Variants in LDLRAD3 observed in about 807,000 individuals in gnomAD.
The protein encoded by LDLRAD3 is low-density lipoprotein receptor class A domain-containing protein 3.
In LDLRAD3, 20 loss-of-function variants were observed where a neutral mutation model predicts 29.4. The observed-to-expected ratio is 0.68, with a 90% confidence interval of 0.48 to 0.99. The LOEUF (loss-of-function observed/expected upper bound fraction) is 0.99. LDLRAD3 is among the 50% of genes least tolerant of loss of function. The pLI is 0.00. For missense variants in LDLRAD3, 420 were observed against 454.3 expected (o/e 0.92, Z 0.69); for synonymous variants, 157 against 192.7 (o/e 0.81, Z 1.53).
At chr11:36,100,430 G>A (rs538061250) in intron 4 of LDLRAD3, among the ~76,000 whole-genome samples, 9 of 152,226 alleles carry the variant, frequency 5.9e-5, no homozygotes, top group East Asian at 5.8e-4. Flanking sequence ...TTTCTATGGC[G>A]ATTGTTTCTT....
intron 1 of LDLRAD3, among the ~76,000 whole-genome samples, chr11:35,974,796 G>T (rs753724833): frequency 3.3e-5 from 5 of 152,240 alleles, no homozygotes; most frequent in Non-Finnish European, 5.9e-5. Flanking sequence ...TTAGAAGGAA[G>T]TTGCAAGTCC....
chr11:36,087,362 T>C (rs1265145571), intron 3 of LDLRAD3, among the ~76,000 whole-genome samples: 2 of 152,354 alleles, frequency 1.3e-5, no homozygotes, highest in East Asian at 3.9e-4. Flanking sequence ...AGTCCTTATC[T>C]TTTAGAAATA....
intron 1 of LDLRAD3, among the ~76,000 whole-genome samples, chr11:35,960,854 A>G (rs1851268344): frequency 6.6e-6 from 1 of 152,172 alleles, no homozygotes; most frequent in Non-Finnish European, 1.5e-5. Flanking sequence ...CTCGCCTCCC[A>G]AAGTGCTGGG....
At chr11:36,063,779 T>G (rs546218023) in intron 2 of LDLRAD3, among the ~76,000 whole-genome samples, 1 of 152,350 alleles carries the variant, frequency 6.6e-6, no homozygotes, top group South Asian at 2.1e-4. Context: ...TGTGTACCCT[T>G]ATGCCAATAA....
At chr11:36,047,399 TC>T (rs1852466317) in intron 2 of LDLRAD3, among the ~76,000 whole-genome samples, 2 of 152,172 alleles carry the variant, frequency 1.3e-5, no homozygotes, top group Non-Finnish European at 2.9e-5. Context: ...ACACATTTTT[TC>T]CCCACATTTT....
intron 4 of LDLRAD3, among the ~76,000 whole-genome samples, chr11:36,112,551 A>G (rs1418320867): frequency 6.6e-6 from 1 of 152,216 alleles, no homozygotes; most frequent in Admixed American, 6.5e-5. Flanking sequence ...CCTCCCTGCC[A>G]TCTCAGTCAT....
intron 4 of LDLRAD3, among the ~76,000 whole-genome samples, chr11:36,160,825 G>A (rs530536888): frequency 1.1e-4 from 16 of 152,036 alleles, no homozygotes; most frequent in East Asian, 2.0e-4. Flanking sequence ...ACAGAGTTTC[G>A]CTCTTGTTGC....
At chr11:36,209,875 T>G (rs527992629) in intron 4 of LDLRAD3, among the ~76,000 whole-genome samples, 1 of 152,360 alleles carries the variant, frequency 6.6e-6, no homozygotes, top group Non-Finnish European at 1.5e-5. Context: ...TATGTGCTAA[T>G]ATATGCCTGT....
At chr11:36,168,620 G>A (rs570948814) in intron 4 of LDLRAD3, among the ~76,000 whole-genome samples, 2 of 150,928 alleles carry the variant, frequency 1.3e-5, no homozygotes, top group African/African-American at 4.9e-5. Context: ...GTGATCAATA[G>A]GGTAGCCTCC....
At chr11:36,144,964 C>T (rs1443238450) in intron 4 of LDLRAD3, among the ~76,000 whole-genome samples, 3 of 108,974 alleles carry the variant, frequency 2.8e-5, no homozygotes, top group Non-Finnish European at 6.0e-5. Context: ...CCAGCCGCCC[C>T]GTCCCGGAAG....
chr11:36,224,730 G>C (rs1386783661), intron 4 of LDLRAD3, among the ~76,000 whole-genome samples: 1 of 152,192 alleles, frequency 6.6e-6, no homozygotes, highest in African/African-American at 2.4e-5. Flanking sequence ...GGACCTTGAA[G>C]GGGAAGGTCC....
At chr11:36,060,182 A>G (rs1183135204) in intron 2 of LDLRAD3, among the ~76,000 whole-genome samples, 4 of 151,860 alleles carry the variant, frequency 2.6e-5, no homozygotes, top group Non-Finnish European at 4.4e-5. Flanking sequence ...GTGACATTCC[A>G]TCTCTACTAA....
At position 35,945,267 on chromosome 11, in the gene LDLRAD3, A is replaced by G. The variant is rs748320644; in HGVS notation, c.46+1123A>G. Among the ~76,000 whole-genome samples the G allele has an allele frequency of 4.6e-5, 7 of 152,164 alleles. No homozygotes were observed. The East Asian group carries it at 5.8e-4, about 13-fold the overall frequency. Reference sequence around the variant, plus strand: ...GGTTTGCTAAGTTGAGGCTCACTTCATTCTTAGCTGTGCCTTGGAGTTATG... The same window carrying G: ...GGTTTGCTAAGTTGAGGCTCACTTCGTTCTTAGCTGTGCCTTGGAGTTATG... On this transcript the variant is annotated intron_variant, in intron 1 of 5. Coordinates refer to ENST00000315571, the MANE Select transcript of LDLRAD3 (RefSeq NM_174902.4).
At chr11:36,188,162 G>A (rs1854881203) in intron 4 of LDLRAD3, among the ~76,000 whole-genome samples, 1 of 151,910 alleles carries the variant, frequency 6.6e-6, no homozygotes, top group East Asian at 1.9e-4. Context: ...GCAGCACAGG[G>A]CACGCAGAAT....
intron 4 of LDLRAD3, among the ~76,000 whole-genome samples, chr11:36,179,817 A>T (rs1434634958): frequency 1.3e-5 from 2 of 151,774 alleles, no homozygotes; most frequent in East Asian, 3.9e-4. Flanking sequence ...ACACAGGGAG[A>T]CCCCCATCTG....
At chr11:36,136,048 C>T (rs1276839281) in intron 4 of LDLRAD3, among the ~76,000 whole-genome samples, 1 of 152,206 alleles carries the variant, frequency 6.6e-6, no homozygotes, top group Non-Finnish European at 1.5e-5. Context: ...TCTGAAGGAC[C>T]TGCTAGCATT....
At chr11:35,989,255 T>C (rs1003292658) in intron 1 of LDLRAD3, among the ~76,000 whole-genome samples, 8 of 152,352 alleles carry the variant, frequency 5.3e-5, no homozygotes, top group African/African-American at 1.9e-4. Flanking sequence ...ACCATTACCA[T>C]GCTGTTTTGG....
At chr11:36,131,702 C>T (rs1158919907) in intron 4 of LDLRAD3, among the ~76,000 whole-genome samples, 1 of 152,162 alleles carries the variant, frequency 6.6e-6, no homozygotes, top group Admixed American at 6.5e-5. Context: ...CTTTTGAAAT[C>T]CAGAAAAGAA....
intron 1 of LDLRAD3, among the ~76,000 whole-genome samples, chr11:36,007,159 C>T (rs1039146201): frequency 6.6e-6 from 1 of 152,200 alleles, no homozygotes; most frequent in Non-Finnish European, 1.5e-5. Flanking sequence ...CTGAGTTGCT[C>T]ATAGCTTTCC....
Sources: allele counts gnomAD v4.1 joint callset (sites outside exome capture counted in the v4.1 genomes callset), GRCh38; gene constraint gnomAD v4.1.1; transcripts MANE v1.5; gene names NCBI Gene and HGNC (gene_info 2026-07-23, HGNC 2026-07-21).